PITPNM3: variants seen among roughly 807,000 people sequenced by gnomAD.
The protein encoded by PITPNM3 is PITPNM family member 3.
A neutral mutation model predicts 102.0 loss-of-function variants in PITPNM3; 26 were observed. The ratio of observed to expected loss-of-function variants is 0.25; its 90% CI spans 0.19 to 0.35. PITPNM3 has a LOEUF of 0.35. Ranked by LOEUF, PITPNM3 falls within the 10% of genes least tolerant of loss-of-function variation. The probability of loss-of-function intolerance (pLI) is 1.00; values close to 1 mark genes in which losing one functional copy is unlikely to be tolerated. For missense variants in PITPNM3, 1,083 were observed against 1,346.1 expected (o/e 0.80, Z 3.06); for synonymous variants, 578 against 558.6 (o/e 1.03, Z -0.49).
At chr17:6,490,678 G>A (rs1455678988) in intron 4 of PITPNM3, among the ~76,000 whole-genome samples, 2 of 151,946 alleles carry the variant, frequency 1.3e-5, no homozygotes, top group Non-Finnish European at 1.5e-5. Context: ...CAGTGGGGCC[G>A]GGCGCAGTGG....
chr17:6,532,693 AATTT>A (rs1328767011), intron 2 of PITPNM3, among the ~76,000 whole-genome samples: 1 of 152,132 alleles, frequency 6.6e-6, no homozygotes, highest in East Asian at 1.9e-4. Flanking sequence ...ACTGTACCAC[AATTT>A]GTTCACTCAC....
At chr17:6,462,966 C>T (rs1348889499) in intron 17 of PITPNM3, among the ~76,000 whole-genome samples, 1 of 152,050 alleles carries the variant, frequency 6.6e-6, no homozygotes, top group Non-Finnish European at 1.5e-5. Context: ...ACCACAGCCT[C>T]CCCTTCCCTG....
In PITPNM3 at chr17:6,472,943, G is replaced by A. The variant is rs905989872; in HGVS notation, c.1259-116C>T. Reference sequence around the variant, plus strand: ...CTACTCCCCTCTCAAGAGCCTCCCCGGGCTCCCTGCTCCCCACGGGAACAA... The same window carrying A: ...CTACTCCCCTCTCAAGAGCCTCCCCAGGCTCCCTGCTCCCCACGGGAACAA... On this transcript the variant is annotated intron_variant, in intron 10 of 19. Coordinates refer to ENST00000262483, the MANE Select transcript of PITPNM3 (RefSeq NM_031220.4). This position sits in a 1 kb window ranked among gnomAD's most constrained non-coding sequence, Gnocchi z 4.1. 1.9e-5 allele frequency: 24 copies of A among 1,266,868 alleles called. No individual in the cohort carries two copies. In the East Asian group the frequency reaches 2.3e-4, roughly 12 times the overall value. The allele number at this position is 1,266,868 out of a possible 1,614,324, so 78.5% of individuals were successfully genotyped here.
chr17:6,467,982 C>T (rs934683228), intron 14 of PITPNM3, among the ~76,000 whole-genome samples: 3 of 152,216 alleles, frequency 2.0e-5, no homozygotes, highest in Admixed American at 1.3e-4. Flanking sequence ...TCCTCACCAA[C>T]CCTAGTGTCT....
At chr17:6,548,383 C>G (rs983829102) in intron 1 of PITPNM3, among the ~76,000 whole-genome samples, 2 of 152,144 alleles carry the variant, frequency 1.3e-5, no homozygotes, top group African/African-American at 4.8e-5. Flanking sequence ...GGGGTAAACA[C>G]ACACACACAC....
intron 3 of PITPNM3, among the ~76,000 whole-genome samples, chr17:6,520,133 T>C (rs4128286): frequency 0.74 from 112,349 of 152,096 alleles, 41,631 homozygotes; most frequent in Middle Eastern, 0.83. Flanking sequence ...CACTAGAAAC[T>C]GGGTAAAGAC....
At chr17:6,471,379 G>C in intron 11 of PITPNM3, 24 bp from the exon 12 acceptor site, 1 of 1,549,380 alleles carries the variant, frequency 6.5e-7, no homozygotes, top group Non-Finnish European at 8.7e-7. Flanking sequence ...TTCAAGGTCA[G>C]GCTGAGTCAC....
At position 6,476,217 on chromosome 17, in the gene PITPNM3, CAAT is replaced by C. The variant is rs578239304; in HGVS notation, c.1085+809_1085+811del. On this transcript the variant is annotated intron_variant, in intron 9 of 19. Transcript: ENST00000262483. ...TAGAAGGAAACAGTCTCTATGTTAA[CAAT>C]GAGACTGTTGGCTCCCTCTGGGTGG... is the stretch of plus-strand genomic sequence containing the variant. Among the ~76,000 whole-genome samples the C allele has an allele frequency of 3.6e-3, 549 of 152,106 alleles. 1 individual carries two copies. The highest frequency in any genetic ancestry group is 0.013 in the African/African-American group (534 of 41,496).
chr17:6,489,380 G>C (rs901669907), intron 4 of PITPNM3, among the ~76,000 whole-genome samples: 4 of 149,132 alleles, frequency 2.7e-5, no homozygotes, highest in African/African-American at 9.9e-5. Context: ...GGCCCAGCTT[G>C]AGACCATGTG....
chr17:6,539,167 G>C (rs1362698485), intron 1 of PITPNM3, among the ~76,000 whole-genome samples: 1 of 152,148 alleles, frequency 6.6e-6, no homozygotes, highest in Non-Finnish European at 1.5e-5. Context: ...CAACTCGGTA[G>C]TCACCTCTAG....
intron 3 of PITPNM3, 40 bp downstream of exon 3, chr17:6,525,316 C>G: frequency 6.3e-7 from 1 of 1,577,286 alleles, no homozygotes; most frequent in South Asian, 1.1e-5. Context: ...TGCAACACAC[C>G]TATGTGCACA....
Position 6,469,862 on chromosome 17 carries a change from C to T in PITPNM3, c.1773+398G>A, listed in dbSNP as rs375945068. Among the ~76,000 whole-genome samples, 9 of 152,330 alleles carry T rather than the reference C, an allele frequency of 5.9e-5. No homozygotes were observed. The highest frequency in any genetic ancestry group is 5.8e-4 in the East Asian group (3 of 5,178). On this transcript the variant is annotated intron_variant, in intron 13 of 19. Transcript: ENST00000262483. This position sits in a 1 kb window ranked among gnomAD's most constrained non-coding sequence, Gnocchi z 4.0. ...TCATGAACATCATGACCCCTACCAG[C>T]TCCCCAGACTCCCTCCCCACCAGGC...
intron 4 of PITPNM3, among the ~76,000 whole-genome samples, chr17:6,484,746 TA>T (rs1335312102): frequency 2.0e-5 from 3 of 151,998 alleles, no homozygotes; most frequent in African/African-American, 7.3e-5. Flanking sequence ...AGAGAGCTGG[TA>T]AAACATGTTC....
At position 6,468,418 on chromosome 17, in the gene PITPNM3, A is replaced by G. The variant is rs35021251; in HGVS notation, c.1774-77T>C. 596,984 of 1,437,674 alleles carry G rather than the reference A, an allele frequency of 0.42. 131,461 individuals carry two copies. Among genetic ancestry groups the G allele is most frequent in the Middle Eastern group, 0.48 (2,535 of 5,280 alleles). 89.1% of individuals were successfully genotyped at this position (1,437,674 alleles called of 1,614,324 possible). A position where few individuals can be genotyped will look rare whatever the true frequency, so the allele number is the denominator to read the frequency against. ...CCCTCCCAGGGTGTCAGTGCCCACC[A>G]GCTTGTGGCCAGCTGGGCCCTGCCC... On this transcript the variant is annotated intron_variant, in intron 13 of 19. Transcript: ENST00000262483. The surrounding 1 kb of genome is among the most constrained non-coding windows in gnomAD (Gnocchi z 5.2).
chr17:6,535,505 C>T (rs1909363546), intron 2 of PITPNM3, among the ~76,000 whole-genome samples: 1 of 152,088 alleles, frequency 6.6e-6, no homozygotes, highest in African/African-American at 2.4e-5. Flanking sequence ...AATGCAGATG[C>T]TCTGGAAGAG....
At chr17:6,464,088 G>C in intron 16 of PITPNM3, 82 bp downstream of exon 16, 1 of 1,602,524 alleles carries the variant, frequency 6.2e-7, no homozygotes. Context: ...AGAACCCCAA[G>C]GACCCCATCC....
In PITPNM3 at chr17:6,463,733, G is replaced by C. The variant is rs750932326; in HGVS notation, c.2305C>G (p.Arg769Gly). 1 of 1,611,028 alleles carries C rather than the reference G, an allele frequency of 6.2e-7. No homozygotes were observed. ...KVRPGAVDVV[R>G]HWQDLGYMIL... Reference sequence around the variant, plus strand: ...GCCCTCGTGGAAGGTGGCACTCACCGGACAACATCCACTGCACCCGGCCGG... The same window carrying C: ...GCCCTCGTGGAAGGTGGCACTCACCCGACAACATCCACTGCACCCGGCCGG... The change falls in exon 17 of 20, where the codon CGG (arginine) becomes GGG (glycine). Residue 769 changes from arginine (R) to glycine (G), a missense_variant and splice_region_variant. Physicochemically the swap from Arg to Gly is moderately radical, Grantham distance 125 (BLOSUM62 -2). Around this residue, in one of 5 missense-constraint regions of PITPNM3, gnomAD observed 410 missense variants for 638.4 expected, o/e 0.64. Transcript: ENST00000262483.
intron 1 of PITPNM3, among the ~76,000 whole-genome samples, chr17:6,540,400 G>C (rs1355322576): frequency 6.6e-6 from 1 of 152,158 alleles, no homozygotes; most frequent in Non-Finnish European, 1.5e-5. Context: ...TCTCTTATGT[G>C]ATAATTACAG....
intron 3 of PITPNM3, among the ~76,000 whole-genome samples, chr17:6,522,005 G>A (rs1908554958): frequency 6.6e-6 from 1 of 152,144 alleles, no homozygotes; most frequent in Admixed American, 6.5e-5. Context: ...ATTCACACAT[G>A]AGTAATTAAA....
Sources: gnomAD v4.1 joint callset for allele counts (sites outside exome capture counted in the v4.1 genomes callset) on GRCh38, gnomAD v4.1.1 for gene constraint, gnomAD v4.1.1 regional missense constraint, Gnocchi (gnomAD v3.1) non-coding constraint, MANE v1.5 for transcripts, NCBI Gene and HGNC (gene_info 2026-07-23, HGNC 2026-07-21) for gene names.